The following RP1 variants were observed in gnomAD, a reference collection of about 807,000 sequenced individuals.
RP1 encodes RP1 axonemal microtubule associated.
In RP1, 16 loss-of-function variants were observed where a neutral mutation model predicts 14.8. The observed-to-expected ratio is 1.08, with a 90% CI of 0.73 to 1.65. The LOEUF (loss-of-function observed/expected upper bound fraction) is 1.65. Among genes scored for constraint, RP1 ranks in the 40% most tolerant of loss-of-function variants. The probability of loss-of-function intolerance (pLI) is 0.00; values close to 1 mark genes in which losing one functional copy is unlikely to be tolerated. For missense variants in RP1, 2,631 were observed against 2,535.0 expected (o/e 1.04, Z -0.81); for synonymous variants, 876 against 883.6 (o/e 0.99, Z 0.15).
intron 21 of RP1, among the ~76,000 whole-genome samples, chr8:54,757,729 C>T (rs557059239): frequency 6.9e-4 from 105 of 152,310 alleles, no homozygotes; most frequent in African/African-American, 2.4e-3. Flanking sequence ...CCTAGAAAGT[C>T]CTAGAAATGG....
At chr8:54,586,764 A>C (rs534993074) in intron 1 of RP1, among the ~76,000 whole-genome samples, 1 of 152,038 alleles carries the variant, frequency 6.6e-6, no homozygotes, top group East Asian at 1.9e-4. Context: ...AGCAATGAGC[A>C]TGGCTCCGTG....
At chr8:54,793,070 A>AAATTG (rs1810504738) in intron 24 of RP1, among the ~76,000 whole-genome samples, 1 of 151,914 alleles carries the variant, frequency 6.6e-6, no homozygotes, top group Non-Finnish European at 1.5e-5. Context: ...ATGTGTCAAC[A>AAATTG]AATTGAATAA....
chr8:54,837,728 T>G (rs1264039825), intron 25 of RP1: 3 of 979,758 alleles, frequency 3.1e-6, no homozygotes, highest in Non-Finnish European at 4.0e-6. Context: ...TGAGATGATT[T>G]AGAATAGGGG....
intron 3 of RP1, among the ~76,000 whole-genome samples, chr8:54,647,364 A>G (rs2129324642): frequency 1.3e-5 from 2 of 152,278 alleles, no homozygotes; most frequent in Admixed American, 1.3e-4. Flanking sequence ...CCATGAGCCA[A>G]GGTCATACCA....
intron 1 of RP1, among the ~76,000 whole-genome samples, chr8:54,583,286 A>C (rs1804840572): frequency 6.6e-6 from 1 of 152,162 alleles, no homozygotes; most frequent in Non-Finnish European, 1.5e-5. Context: ...GGTTCTGTTT[A>C]TATGCTGGAT....
intron 19 of RP1, among the ~76,000 whole-genome samples, chr8:54,739,555 G>A (rs893130433): frequency 2.0e-5 from 3 of 152,002 alleles, no homozygotes; most frequent in African/African-American, 4.8e-5. Context: ...ATAGAAATCT[G>A]AAGAATACGG....
chr8:54,845,783 G>A (rs1015054839), intron 25 of RP1, among the ~76,000 whole-genome samples: 5 of 152,280 alleles, frequency 3.3e-5, no homozygotes, highest in African/African-American at 9.6e-5. Flanking sequence ...CTGTGGGTGA[G>A]GCAGCCGCCT....
intron 1 of RP1, among the ~76,000 whole-genome samples, chr8:54,591,926 G>C (rs1313710336): frequency 1.3e-5 from 2 of 152,142 alleles, no homozygotes; most frequent in Admixed American, 6.5e-5. Context: ...TTCTCTTGAG[G>C]TTTCGTTTTG....
At chr8:54,850,385 C>CT (rs1021327489) in intron 25 of RP1, among the ~76,000 whole-genome samples, 1 of 152,202 alleles carries the variant, frequency 6.6e-6, no homozygotes, top group Non-Finnish European at 1.5e-5. Flanking sequence ...ATATTTTAGA[C>CT]TTATCATTGA....
At chr8:54,769,752 T>G in exon 23 of RP1, 2 of 1,531,538 alleles carry the variant, frequency 1.3e-6, no homozygotes, top group Non-Finnish European at 1.7e-6. Flanking sequence ...TGGCTTCCTT[T>G]CATGTCTCAG....
In RP1 at chr8:54,686,369, A is replaced by G. The variant is rs186017015; in HGVS notation, c.1717+6436A>G. Among the ~76,000 whole-genome samples the G allele has an allele frequency of 4.2e-5, 6 of 143,776 alleles. No homozygotes were observed. The Admixed American group carries it at 4.4e-4, about 11-fold the overall frequency. The allele number at this position is 143,776 out of a possible 152,430, so 94.3% of individuals were successfully genotyped here. A position where few individuals can be genotyped will look rare whatever the true frequency, so the allele number is the denominator to read the frequency against. ...ATCTCCCTGAGACATTTTGACTTAC[A>G]ATTTTCACTCCAGAAAAAGTTTTTT... is the stretch of plus-strand genomic sequence containing the variant. On this transcript the variant is annotated intron_variant, in intron 12 of 22. Transcript: ENST00000636932.
intron 1 of RP1, among the ~76,000 whole-genome samples, chr8:54,608,153 A>C (rs1269134280): frequency 6.7e-6 from 1 of 149,550 alleles, no homozygotes; most frequent in South Asian, 2.1e-4. Context: ...GGAGCTGGAG[A>C]CTGGAGCTGT....
In RP1 at chr8:54,629,910, A is replaced by T; in HGVS notation, c.6028A>T (p.Ile2010Phe). ...LMGKRRKQKR[I>F]NFLGLEEEGN... ...GGGTAAAAGAAGAAAACAAAAAAGA[A>T]TTAACTTCTTGGGGTTAGAGGAAGA... The change falls in exon 4 of 4, where the codon ATT becomes TTT. Residue 2010 changes from isoleucine to phenylalanine, a missense_variant. By Grantham distance (21) the Ile-to-Phe change is conservative. Coordinates refer to ENST00000220676, the MANE Select transcript of RP1 (RefSeq NM_006269.2). 6.2e-7 allele frequency: 1 copy of T among 1,613,944 alleles called. No homozygotes were observed. Among genetic ancestry groups the T allele is most frequent in the Middle Eastern group, 1.7e-4 (1 of 6,058 alleles).
chr8:54,583,299 C>T (rs1022133184), intron 1 of RP1, among the ~76,000 whole-genome samples: 36 of 152,060 alleles, frequency 2.4e-4, no homozygotes, highest in African/African-American at 8.5e-4. Context: ...TGCTGGATTA[C>T]GTTTATTGAT....
intron 1 of RP1, among the ~76,000 whole-genome samples, chr8:54,568,402 G>A (rs1804452136): frequency 6.6e-6 from 1 of 152,230 alleles, no homozygotes; most frequent in Non-Finnish European, 1.5e-5. Context: ...GGATCAATTG[G>A]CCAGAACTGG....
At chr8:54,855,965 ACACACACC>A (rs201704620) in intron 26 of RP1, among the ~76,000 whole-genome samples, 10,022 of 130,320 alleles carry the variant, frequency 0.077, 471 homozygotes, top group East Asian at 0.18. Context: ...ACACACACAC[ACACACACC>A]CCCTATAACC....
chr8:54,757,819 C>T (rs1228362974), intron 21 of RP1, among the ~76,000 whole-genome samples: 2 of 152,184 alleles, frequency 1.3e-5, no homozygotes, highest in East Asian at 1.9e-4. Context: ...CTTGTAAAGC[C>T]GTGCTGAGAA....
At chr8:54,659,501 G>C (rs1197683853) in intron 6 of RP1, among the ~76,000 whole-genome samples, 1 of 152,110 alleles carries the variant, frequency 6.6e-6, no homozygotes, top group Non-Finnish European at 1.5e-5. Flanking sequence ...CTTCCTCCTT[G>C]TGTGGTCTTG....
At chr8:54,745,451 T>G (rs1809199036) in intron 19 of RP1, among the ~76,000 whole-genome samples, 2 of 152,328 alleles carry the variant, frequency 1.3e-5, no homozygotes, top group South Asian at 4.1e-4. Context: ...TTGAAATTTT[T>G]AAAAGTAATC....
Sources: allele counts gnomAD v4.1 joint callset (sites outside exome capture counted in the v4.1 genomes callset), GRCh38; gene constraint gnomAD v4.1.1; transcripts MANE v1.5; gene names NCBI Gene and HGNC (gene_info 2026-07-23, HGNC 2026-07-21).